The following ATF7IP2 variants were observed in gnomAD, a reference collection of about 807,000 sequenced individuals.
The protein encoded by ATF7IP2 is activating transcription factor 7-interacting protein 2.
In ATF7IP2, 42 loss-of-function variants were observed where a neutral mutation model predicts 64.2. The observed-to-expected ratio is 0.65, with a 90% CI of 0.51 to 0.85. The LOEUF (loss-of-function observed/expected upper bound fraction) is 0.85. ATF7IP2 is among the 40% of genes least tolerant of loss of function. The probability of loss-of-function intolerance (pLI) is 0.00; values close to 1 mark genes in which losing one functional copy is unlikely to be tolerated. For missense variants in ATF7IP2, 933 were observed against 784.2 expected, an observed-to-expected ratio of 1.19 and a Z score of -2.27; for synonymous variants, 308 against 272.8, an observed-to-expected ratio of 1.13 and a Z score of -1.27.
intron 9 of ATF7IP2, among the ~76,000 whole-genome samples, chr16:10,469,532 T>G (rs2049708816): frequency 6.6e-6 from 1 of 151,836 alleles, no homozygotes; most frequent in African/African-American, 2.4e-5. Context: ...AGGGAAAATT[T>G]TAAAAAGTAG....
chr16:10,413,367 A>G (rs1392222019), intron 1 of ATF7IP2, among the ~76,000 whole-genome samples: 1 of 151,670 alleles, frequency 6.6e-6, no homozygotes, highest in East Asian at 1.9e-4. Flanking sequence ...CTGCTTCCTC[A>G]TTTTTCTCTT....
intron 1 of ATF7IP2, among the ~76,000 whole-genome samples, chr16:10,411,532 G>A (rs543225124): frequency 3.4e-4 from 51 of 152,002 alleles, no homozygotes; most frequent in African/African-American, 1.2e-3. Context: ...CACCATTCCT[G>A]GCTGATTTTG....
Position 10,431,285 on chromosome 16 carries a change from A to G in ATF7IP2, c.665A>G (p.Glu222Gly). The G allele has an allele frequency of 6.2e-7, 1 of 1,614,220 alleles. No homozygotes were observed. The highest frequency in any genetic ancestry group is 8.5e-7 in the Non-Finnish European group (1 of 1,180,036). ...CAAAGTGACAACATTTTATGTTCAGAAGACTCAGGTTTTGTGCCTGTTGAG... is the reference window on the plus strand; with the variant it reads ...CAAAGTGACAACATTTTATGTTCAGGAGACTCAGGTTTTGTGCCTGTTGAG... ...KRQSDNILCS[E>G]DSGFVPVEKT... is the part of the protein sequence containing the mutation. Residue 222 changes from glutamate to glycine, a missense_variant, in exon 5 of 14, where the codon GAA (glutamate) becomes GGA (glycine). Coordinates refer to ENST00000562102, the MANE Select transcript of ATF7IP2 (RefSeq NM_001393719.1).
At chr16:10,458,274 A>G (rs1208708385) in intron 9 of ATF7IP2, among the ~76,000 whole-genome samples, 2 of 152,212 alleles carry the variant, frequency 1.3e-5, no homozygotes, top group Non-Finnish European at 2.9e-5. Flanking sequence ...AGCTGCTGTG[A>G]AGGAGGCATT....
intron 9 of ATF7IP2, among the ~76,000 whole-genome samples, chr16:10,462,435 T>G (rs994681167): frequency 3.3e-5 from 5 of 152,256 alleles, no homozygotes; most frequent in Admixed American, 2.0e-4. Context: ...AATGACTTCA[T>G]TTTGTCTTAA....
intron 9 of ATF7IP2, among the ~76,000 whole-genome samples, chr16:10,466,708 A>G (rs1014012604): frequency 6.6e-6 from 1 of 152,158 alleles, no homozygotes; most frequent in Non-Finnish European, 1.5e-5. Context: ...TACATTTATT[A>G]TAAATATCTT....
chr16:10,406,057 C>T (rs1018580188), intron 1 of ATF7IP2, among the ~76,000 whole-genome samples: 1 of 151,872 alleles, frequency 6.6e-6, no homozygotes, highest in African/African-American at 2.4e-5. Context: ...CCACTGCACT[C>T]CAGCCTGGGC....
intron 1 of ATF7IP2, among the ~76,000 whole-genome samples, chr16:10,405,002 G>A (rs568193458): frequency 1.5e-4 from 23 of 152,258 alleles, no homozygotes; most frequent in African/African-American, 5.3e-4. Context: ...CAAATGGTGA[G>A]GGAATTCATC....
chr16:10,418,156 G>A (rs897528770), intron 2 of ATF7IP2, among the ~76,000 whole-genome samples: 1 of 152,238 alleles, frequency 6.6e-6, no homozygotes, highest in Non-Finnish European at 1.5e-5. Flanking sequence ...GGGAAACAAA[G>A]GGATGGGCTC....
At chr16:10,404,970 G>T (rs763402142) in intron 1 of ATF7IP2, among the ~76,000 whole-genome samples, 2 of 152,200 alleles carry the variant, frequency 1.3e-5, no homozygotes, top group Admixed American at 6.5e-5. Flanking sequence ...AAATGAAGGA[G>T]AAATAGTTTT....
chr16:10,436,838 A>G (rs1336317215), intron 6 of ATF7IP2, among the ~76,000 whole-genome samples: 1 of 152,204 alleles, frequency 6.6e-6, no homozygotes, highest in African/African-American at 2.4e-5. Context: ...ATGGCTCAGC[A>G]GAGCTGCTCA....
intron 5 of ATF7IP2, among the ~76,000 whole-genome samples, chr16:10,432,926 A>G (rs1470558934): frequency 6.6e-6 from 1 of 152,156 alleles, no homozygotes; most frequent in Non-Finnish European, 1.5e-5. Flanking sequence ...GAACCACTTA[A>G]GTCACTATAA....
At chr16:10,399,470 G>T (rs2047484865) in intron 1 of ATF7IP2, among the ~76,000 whole-genome samples, 1 of 152,146 alleles carries the variant, frequency 6.6e-6, no homozygotes, top group South Asian at 2.1e-4. Context: ...ATATATTCTT[G>T]TCAACTTTGT....
At chr16:10,478,059 A>C (rs1036082964) in intron 12 of ATF7IP2, among the ~76,000 whole-genome samples, 4 of 151,188 alleles carry the variant, frequency 2.6e-5, no homozygotes, top group African/African-American at 9.7e-5. Flanking sequence ...AATCAATATC[A>C]TGAAAATGGA....
chr16:10,397,699 A>G (rs1266872615), intron 1 of ATF7IP2, among the ~76,000 whole-genome samples: 3 of 152,006 alleles, frequency 2.0e-5, no homozygotes, highest in Non-Finnish European at 4.4e-5. Flanking sequence ...CAACATGGCA[A>G]AACCCTGTCT....
intron 1 of ATF7IP2, among the ~76,000 whole-genome samples, chr16:10,404,924 A>G (rs1377501172): frequency 6.6e-6 from 1 of 152,196 alleles, no homozygotes; most frequent in African/African-American, 2.4e-5. Flanking sequence ...AAACCAGTGA[A>G]CCAGGAATTT....
chr16:10,388,603 T>G (rs2047255051), intron 1 of ATF7IP2, among the ~76,000 whole-genome samples: 1 of 152,206 alleles, frequency 6.6e-6, no homozygotes, highest in Non-Finnish European at 1.5e-5. Flanking sequence ...TTTCAGTACT[T>G]GTTATTAAGG....
At chr16:10,457,630 C>T (rs1168295468) in intron 9 of ATF7IP2, 101 bp downstream of exon 9, 4 of 879,278 alleles carry the variant, frequency 4.5e-6, no homozygotes, top group African/African-American at 1.8e-5. Context: ...TTATTCTTAA[C>T]ATTCACTCTT....
At chr16:10,443,724 A>C (rs536961724) in intron 8 of ATF7IP2, among the ~76,000 whole-genome samples, 1 of 152,190 alleles carries the variant, frequency 6.6e-6, no homozygotes, top group East Asian at 1.9e-4. Flanking sequence ...AATGGTGGAC[A>C]AAATGTATTT....
Sources: gnomAD v4.1 joint callset for allele counts (sites outside exome capture counted in the v4.1 genomes callset) on GRCh38, gnomAD v4.1.1 for gene constraint, MANE v1.5 for transcripts, NCBI Gene and HGNC (gene_info 2026-07-23, HGNC 2026-07-21) for gene names.